BAIAP2L2: variants seen among roughly 807,000 people sequenced by gnomAD.
BAIAP2L2 encodes the protein BAR/IMD domain containing adaptor protein 2 like 2.
Under a neutral mutation model 60.4 loss-of-function variants are expected in BAIAP2L2, and 65 were observed. The ratio of observed to expected loss-of-function variants is 1.08; its 90% CI spans 0.88 to 1.32. BAIAP2L2 has a LOEUF of 1.32. Among genes scored for constraint, BAIAP2L2 ranks in the 40% most tolerant of loss-of-function variants. BAIAP2L2 has a pLI of 0.00. For synonymous variants in BAIAP2L2, 344 were observed against 301.7 expected (o/e 1.14, Z -1.45); for missense variants, 836 against 741.2 (o/e 1.13, Z -1.48).
intron 5 of BAIAP2L2, 22 bp from the exon 6 acceptor site, chr22:38,098,201 G>T: frequency 6.2e-7 from 1 of 1,610,132 alleles, no homozygotes; most frequent in Non-Finnish European, 8.5e-7. Flanking sequence ...TGGAGTCGGG[G>T]AGGGAGAATC....
At chr22:38,109,637 C>G (rs2086754197) in intron 1 of BAIAP2L2, among the ~76,000 whole-genome samples, 1 of 152,064 alleles carries the variant, frequency 6.6e-6, no homozygotes. Context: ...ACCCCCGGGG[C>G]AAGGGCAGCT....
At chr22:38,089,802 G>T in intron 7 of BAIAP2L2, 128 bp from the exon 8 acceptor site, 2 of 913,082 alleles carry the variant, frequency 2.2e-6, no homozygotes, top group Non-Finnish European at 2.9e-6. Flanking sequence ...TTTCTAGCTG[G>T]AAGGAGCCAG....
chr22:38,097,911 G>T (rs1040286041), intron 6 of BAIAP2L2, 152 bp downstream of exon 6: 13 of 726,270 alleles, frequency 1.8e-5, no homozygotes, highest in Non-Finnish European at 2.6e-5. Flanking sequence ...CCCACCAGGG[G>T]CTGGCTGACC....
intron 10 of BAIAP2L2, 130 bp from the exon 11 acceptor site, chr22:38,087,394 C>A: frequency 9.3e-7 from 1 of 1,070,894 alleles, no homozygotes. Flanking sequence ...CAATCAATTC[C>A]GTATGTTTAC....
Position 38,085,385 on chromosome 22 carries a change from G to T in BAIAP2L2, c.1515-10C>A. On this transcript the variant is annotated splice_polypyrimidine_tract_variant and intron_variant, in intron 13 of 13. Coordinates refer to ENST00000381669, the MANE Select transcript of BAIAP2L2 (RefSeq NM_025045.6). Reference sequence around the variant, plus strand: ...AAAAGGATTTGTGCCCCTGTAGGAGGAGAGAGAGAATGGGGTGAGAAGGGC... The same window carrying T: ...AAAAGGATTTGTGCCCCTGTAGGAGTAGAGAGAGAATGGGGTGAGAAGGGC... 4 of 1,612,250 alleles carry T rather than the reference G, an allele frequency of 2.5e-6. No individual in the cohort carries two copies. The highest frequency in any genetic ancestry group is 3.4e-6 in the Non-Finnish European group (4 of 1,178,678).
intron 4 of BAIAP2L2, 59 bp downstream of exon 4, chr22:38,107,793 T>C: frequency 6.5e-7 from 1 of 1,533,908 alleles, no homozygotes; most frequent in Non-Finnish European, 9.0e-7. Flanking sequence ...GGCCCTCTCC[T>C]TGGAACATAG....
In BAIAP2L2 at chr22:38,108,348, A is replaced by G. The variant is rs765791165; in HGVS notation, c.128-7T>C. 13 of 1,610,250 alleles carry G rather than the reference A, an allele frequency of 8.1e-6. No individual in the cohort carries two copies. The highest frequency in any genetic ancestry group is 1.3e-5 in the African/African-American group (1 of 74,892). ...TCGGCCGCCTCGGACAGAGCTGTGG[A>G]CCAGAAGGGACAGGTCTGGTCCAGC... On this transcript the variant is annotated splice_region_variant and splice_polypyrimidine_tract_variant and intron_variant, in intron 2 of 13. Coordinates refer to ENST00000381669, the MANE Select transcript of BAIAP2L2 (RefSeq NM_025045.6).
At chr22:38,108,139 T>G (rs2086705116) in intron 3 of BAIAP2L2, 116 bp downstream of exon 3, 5 of 1,089,368 alleles carry the variant, frequency 4.6e-6, no homozygotes, top group Non-Finnish European at 5.3e-6. Context: ...AGAACAAGAG[T>G]CTGGCTCTGG....
At chr22:38,107,612 A>G (rs1602033183) in intron 4 of BAIAP2L2, among the ~76,000 whole-genome samples, 1 of 152,142 alleles carries the variant, frequency 6.6e-6, no homozygotes, top group Non-Finnish European at 1.5e-5. Context: ...GGCAATGACT[A>G]GCTCTTTGAG....
chr22:38,110,404 T>C, intron 1 of BAIAP2L2, 71 bp downstream of exon 1: 1 of 1,495,798 alleles, frequency 6.7e-7, no homozygotes. Flanking sequence ...CCCTCCGTCC[T>C]CCAGAGCGGG....
rs1156778795 is a variant in BAIAP2L2, at chr22:38,088,756, G to C, written c.1110C>G (p.Gly370=). ...QNGWLYGKLE[G]SSASGWFPEA... ...CCAAGGCTCCCACTCACGCGGACGA[G>C]CCCTCCAGCTTGCCGTAGAGCCAGC... The change falls in exon 10 of 14, where the codon GGC becomes GGG. Residue 370 remains glycine, a synonymous_variant. Coordinates refer to ENST00000381669, the MANE Select transcript of BAIAP2L2 (RefSeq NM_025045.6). The C allele has an allele frequency of 6.3e-7, 1 of 1,598,016 alleles. No homozygotes were observed. The highest frequency in any genetic ancestry group is 1.3e-5 in the African/African-American group (1 of 74,760).
chr22:38,109,076 T>C, intron 2 of BAIAP2L2, 57 bp downstream of exon 2: 1 of 908,592 alleles, frequency 1.1e-6, no homozygotes, highest in Admixed American at 3.2e-5. Flanking sequence ...GGGGCCTGGG[T>C]GGGTGGGAAC....
intron 7 of BAIAP2L2, among the ~76,000 whole-genome samples, chr22:38,095,848 C>A (rs2086416005): frequency 6.6e-6 from 1 of 151,922 alleles, no homozygotes; most frequent in Non-Finnish European, 1.5e-5. Context: ...AGTGCAATTT[C>A]TAAATTAATA....
At chr22:38,100,296 A>G (rs1385711954) in intron 4 of BAIAP2L2, among the ~76,000 whole-genome samples, 1 of 152,104 alleles carries the variant, frequency 6.6e-6, no homozygotes, top group Admixed American at 6.6e-5. Context: ...TCACACCTGC[A>G]ATCCCAGCAC....
chr22:38,088,678 G>A (rs2086174131), intron 10 of BAIAP2L2, 70 bp downstream of exon 10: 3 of 1,460,314 alleles, frequency 2.1e-6, no homozygotes, highest in Non-Finnish European at 2.7e-6. Flanking sequence ...AGTCCGGCAG[G>A]TCCCCGGGTT....
At chr22:38,109,711 T>G (rs1307503336) in intron 1 of BAIAP2L2, among the ~76,000 whole-genome samples, 1 of 151,524 alleles carries the variant, frequency 6.6e-6, no homozygotes, top group Non-Finnish European at 1.5e-5. Flanking sequence ...GTGGGCCTCC[T>G]CGGGCTGGGG....
intron 7 of BAIAP2L2, among the ~76,000 whole-genome samples, chr22:38,094,749 A>G (rs1196821237): frequency 6.6e-6 from 1 of 152,126 alleles, no homozygotes; most frequent in Non-Finnish European, 1.5e-5. Context: ...TGAGAGCCTG[A>G]GCCGAAATCT....
Position 38,107,861 on chromosome 22 carries a change from C to T in BAIAP2L2, c.267G>A (p.Leu89=). The T allele has an allele frequency of 2.5e-6, 4 of 1,613,534 alleles. No individual in the cohort carries two copies. Among genetic ancestry groups the T allele is most frequent in the Non-Finnish European group, 3.4e-6 (4 of 1,179,942 alleles). Residue 89 remains leucine, a synonymous_variant, in exon 4 of 14, where the codon CTG becomes CTA. Transcript: ENST00000381669. ...SDTQRHLNSD[L]EVVVQTFHGG... is the part of the protein sequence containing the mutation. ...GGGGCCTGATACTCACCACCACCTC[C>T]AGGTCAGAGTTCAAGTGCCGCTGGG... is the stretch of plus-strand genomic sequence containing the variant.
chr22:38,110,120 G>GGAGAGAGAGAGGGAGAGA (rs2086797160), intron 1 of BAIAP2L2, among the ~76,000 whole-genome samples: 1 of 18,884 alleles, frequency 5.3e-5, no homozygotes, highest in Non-Finnish European at 2.1e-4. Flanking sequence ...AGAGAGAGAG[G>GGAGAGAGAGAGGGAGAGA]GAGAGAGAGA....
Sources: allele counts gnomAD v4.1 joint callset (sites outside exome capture counted in the v4.1 genomes callset), GRCh38; gene constraint gnomAD v4.1.1; transcripts MANE v1.5; gene names NCBI Gene and HGNC (gene_info 2026-07-23, HGNC 2026-07-21).